Variants in DLGAP2 observed in about 807,000 individuals in gnomAD.
DLGAP2 encodes the protein disks large-associated protein 2.
Under a neutral mutation model 100.3 loss-of-function variants are expected in DLGAP2, and 26 were observed. The ratio of observed to expected loss-of-function variants is 0.26; its 90% CI spans 0.19 to 0.36. The LOEUF (loss-of-function observed/expected upper bound fraction) is 0.36. Ranked by LOEUF, DLGAP2 falls within the 10% of genes least tolerant of loss-of-function variation. The pLI, the probability that DLGAP2 is intolerant of heterozygous loss-of-function variation, is 1.00. For synonymous variants in DLGAP2, 886 were observed against 630.1 expected, an observed-to-expected ratio of 1.41 and a Z score of -6.08; for missense variants, 1,858 against 1,453.2, an observed-to-expected ratio of 1.28 and a Z score of -4.53.
chr8:885,284 T>A (rs1292525768), intron 1 of DLGAP2, among the ~76,000 whole-genome samples: 1 of 152,240 alleles, frequency 6.6e-6, no homozygotes, highest in Non-Finnish European at 1.5e-5. Flanking sequence ...TATTTCTTTG[T>A]GTTCTCTCAT....
intron 6 of DLGAP2, chr8:1,604,597 C>T (rs1409579318): frequency 6.6e-6 from 1 of 152,164 alleles, no homozygotes; most frequent in Non-Finnish European, 1.5e-5. Context: ...CACAGGAGAC[C>T]GTGATCCTGG....
At chr8:1,447,975 C>G (rs1268544344) in intron 3 of DLGAP2, among the ~76,000 whole-genome samples, 5 of 152,070 alleles carry the variant, frequency 3.3e-5, no homozygotes, top group Admixed American at 1.3e-4. Flanking sequence ...ATTCTTCTCT[C>G]TTTTCTTCTT....
chr8:1,467,617 A>G (rs1798663913), intron 3 of DLGAP2, among the ~76,000 whole-genome samples: 1 of 152,154 alleles, frequency 6.6e-6, no homozygotes, highest in Non-Finnish European at 1.5e-5. Context: ...GTTCGTGTCA[A>G]GTGGACAGAC....
chr8:1,227,900 C>G (rs1448400163), intron 2 of DLGAP2, among the ~76,000 whole-genome samples: 2 of 152,194 alleles, frequency 1.3e-5, no homozygotes, highest in African/African-American at 2.4e-5. Context: ...TACGTCTTAG[C>G]TGCTCTTGCT....
intron 2 of DLGAP2, among the ~76,000 whole-genome samples, chr8:1,174,822 G>C (rs1302852227): frequency 6.6e-6 from 1 of 151,962 alleles, no homozygotes; most frequent in African/African-American, 2.4e-5. Flanking sequence ...CCATCATCTA[G>C]ACTATAGCAG....
chr8:774,469 T>C (rs1821456754), intron 1 of DLGAP2, among the ~76,000 whole-genome samples: 1 of 152,158 alleles, frequency 6.6e-6, no homozygotes. Context: ...TTCTAGGGTT[T>C]TTATGGTTTT....
At position 1,549,479 on chromosome 8, in the gene DLGAP2, C is replaced by A; in HGVS notation, c.1026C>A (p.Thr342=). The stretch of plus-strand genomic sequence containing the variant: ...CCTTCGGGGACCTGTCCCTCAAGAC[C>A]TCCAAGAGCAACAACGACGTCAAGT... ...QSPFGDLSLK[T]SKSNNDVKCS... is the part of the protein sequence containing the mutation. The change falls in exon 5 of 15, where the codon ACC becomes ACA. Residue 342 remains threonine, a synonymous_variant. Coordinates refer to ENST00000637795, the MANE Select transcript of DLGAP2 (RefSeq NM_001346810.2). 1.2e-6 allele frequency: 2 copies of A among 1,613,552 alleles called. No homozygotes were observed. Among genetic ancestry groups the A allele is most frequent in the Non-Finnish European group, 1.7e-6 (2 of 1,179,834 alleles).
intron 2 of DLGAP2, among the ~76,000 whole-genome samples, chr8:1,046,309 T>A (rs1020894340): frequency 2.6e-5 from 4 of 152,214 alleles, no homozygotes; most frequent in Admixed American, 6.5e-5. Flanking sequence ...AATGTCAAAG[T>A]GTGCATGTGA....
At chr8:1,258,440 G>C (rs1046548448) in intron 2 of DLGAP2, among the ~76,000 whole-genome samples, 4 of 151,854 alleles carry the variant, frequency 2.6e-5, no homozygotes, top group African/African-American at 4.8e-5. Flanking sequence ...TCGGTGGGTG[G>C]GGGGGAAGAG....
At chr8:1,497,553 G>C (rs575007150) in intron 3 of DLGAP2, among the ~76,000 whole-genome samples, 1 of 152,334 alleles carries the variant, frequency 6.6e-6, no homozygotes, top group African/African-American at 2.4e-5. Context: ...CCAGAAGAAG[G>C]AGGATTTCCT....
intron 2 of DLGAP2, among the ~76,000 whole-genome samples, chr8:923,485 T>C (rs1798755363): frequency 6.6e-6 from 1 of 152,258 alleles, no homozygotes; most frequent in African/African-American, 2.4e-5. Context: ...GATGCCAATA[T>C]GCTTAACCCT....
At chr8:854,971 C>T (rs1177078769) in intron 1 of DLGAP2, among the ~76,000 whole-genome samples, 4 of 152,098 alleles carry the variant, frequency 2.6e-5, no homozygotes, top group Non-Finnish European at 1.5e-5. Flanking sequence ...GGGCAAAGTG[C>T]AGGTTAAAAA....
At chr8:748,515 G>A (rs1268937827) in intron 1 of DLGAP2, among the ~76,000 whole-genome samples, 1 of 152,120 alleles carries the variant, frequency 6.6e-6, no homozygotes, top group African/African-American at 2.4e-5. Context: ...GCCCTTACCT[G>A]GCATTTGTTT....
At chr8:1,534,718 G>A (rs1425594229) in intron 4 of DLGAP2, among the ~76,000 whole-genome samples, 3 of 152,210 alleles carry the variant, frequency 2.0e-5, no homozygotes, top group Admixed American at 6.5e-5. Context: ...CTGAGAACCT[G>A]CTGGTCAAAG....
At chr8:918,481 A>T (rs1305446152) in intron 2 of DLGAP2, among the ~76,000 whole-genome samples, 2 of 152,168 alleles carry the variant, frequency 1.3e-5, no homozygotes, top group East Asian at 3.9e-4. Context: ...ATTCTTAGTG[A>T]AAGACAGTGA....
Position 1,509,492 on chromosome 8 carries a change from T to G in DLGAP2, c.172+8061T>G, listed in dbSNP as rs965678802. Among the ~76,000 whole-genome samples the G allele has an allele frequency of 3.2e-4, 49 of 152,046 alleles. 1 individual carries two copies. Among genetic ancestry groups the G allele is most frequent in the South Asian group, 8.3e-4 (4 of 4,824 alleles). On this transcript the variant is annotated intron_variant, in intron 4 of 14. Coordinates refer to ENST00000637795, the MANE Select transcript of DLGAP2 (RefSeq NM_001346810.2). ...ATTGTGGAATATAATCCAAAAAGTT[T>G]GAAAGCCCTTGGCAGGAGCAATACC...
At chr8:895,468 C>T (rs151105894) in intron 1 of DLGAP2, among the ~76,000 whole-genome samples, 1 of 152,174 alleles carries the variant, frequency 6.6e-6, no homozygotes, top group Non-Finnish European at 1.5e-5. Context: ...GCCCGTCCCC[C>T]CTTCTGAGAC....
intron 1 of DLGAP2, among the ~76,000 whole-genome samples, chr8:741,263 G>T (rs1427399702): frequency 6.6e-6 from 1 of 152,200 alleles, no homozygotes; most frequent in African/African-American, 2.4e-5. Context: ...GCAAACTCTA[G>T]TTTAAATCTT....
intron 3 of DLGAP2, among the ~76,000 whole-genome samples, chr8:1,483,756 G>T (rs1799170016): frequency 6.6e-6 from 1 of 151,564 alleles, no homozygotes; most frequent in Non-Finnish European, 1.5e-5. Flanking sequence ...GACCAGGGAG[G>T]CATGTGCAGG....
Sources: gnomAD v4.1 joint callset for allele counts (sites outside exome capture counted in the v4.1 genomes callset) on GRCh38, gnomAD v4.1.1 for gene constraint, MANE v1.5 for transcripts, NCBI Gene and HGNC (gene_info 2026-07-23, HGNC 2026-07-21) for gene names.